Variants in TRIM43B observed in about 807,000 individuals in gnomAD.
TRIM43B encodes tripartite motif-containing protein 43B.
Under a neutral mutation model 27.0 loss-of-function variants are expected in TRIM43B, and 15 were observed. The observed-to-expected ratio is 0.55, with a 90% CI of 0.37 to 0.85. The LOEUF is 0.85. Ranked by LOEUF, TRIM43B falls within the 40% of genes least tolerant of loss-of-function variation. The pLI is 0.00. For missense variants in TRIM43B, 172 were observed against 289.8 expected (o/e 0.59, Z 2.95); for synonymous variants, 69 against 97.8 (o/e 0.71, Z 1.74).
At chr2:95,484,332 C>T (rs62155086) in intron 1 of TRIM43B, among the ~76,000 whole-genome samples, 2,916 of 151,890 alleles carry the variant, frequency 0.019, 54 homozygotes, top group Non-Finnish European at 0.029. Flanking sequence ...AGAGCGCCGC[C>T]GCACTCCAGC....
At chr2:95,482,927 C>T (rs1276742217) in intron 1 of TRIM43B, among the ~76,000 whole-genome samples, 2 of 152,096 alleles carry the variant, frequency 1.3e-5, no homozygotes, top group Admixed American at 1.3e-4. Flanking sequence ...CCAATCAACA[C>T]ATGACCAGCT....
chr2:95,480,618 T>C (rs1489513596), intron 3 of TRIM43B, 83 bp from the exon 4 acceptor site: 13 of 1,498,778 alleles, frequency 8.7e-6, no homozygotes, highest in Admixed American at 4.1e-5. Flanking sequence ...TCCTCATTCC[T>C]TCTTTTATTT....
exon 2 of TRIM43B, chr2:95,482,355 C>T: frequency 6.2e-7 from 1 of 1,611,034 alleles, no homozygotes; most frequent in Non-Finnish European, 8.5e-7. Flanking sequence ...GAGCCCCGTG[C>T]TCCTGAGAGT....
intron 1 of TRIM43B, among the ~76,000 whole-genome samples, chr2:95,483,057 C>T (rs546557428): frequency 1.2e-4 from 18 of 152,180 alleles, no homozygotes; most frequent in South Asian, 4.2e-4. Context: ...GAGTCTTGAA[C>T]GGTCTGAAAA....
At chr2:95,483,398 A>G (rs1389892393) in intron 1 of TRIM43B, among the ~76,000 whole-genome samples, 1 of 152,102 alleles carries the variant, frequency 6.6e-6, no homozygotes, top group Non-Finnish European at 1.5e-5. Context: ...ATTTGGGGAT[A>G]TACTGGTTAA....
Position 95,481,797 on chromosome 2 carries a change from A to AG in TRIM43B, c.412-108dup, listed in dbSNP as rs999985658. On this transcript the variant is annotated intron_variant, in intron 2 of 6. Coordinates refer to ENST00000639673, the Ensembl canonical transcript of TRIM43B. ...AATATATAAATACATTAGTGAGAGGAGAAAAAAACAAAATTTTTCATTGCT... is the reference window on the plus strand; with the variant it reads ...AATATATAAATACATTAGTGAGAGGAGGAAAAAAACAAAATTTTTCATTGCT... The AG allele has an allele frequency of 3.6e-5, 41 of 1,144,580 alleles. No homozygotes were observed. The Admixed American group carries it at 4.7e-4, about 13-fold the overall frequency. The allele number at this position is 1,144,580 out of a possible 1,614,324, so 70.9% of individuals were successfully genotyped here.
At chr2:95,482,337 G>A (rs1306367719) in exon 2 of TRIM43B, 4 of 1,611,480 alleles carry the variant, frequency 2.5e-6, no homozygotes, top group South Asian at 2.2e-5. Context: ...CGATGGGATA[G>A]TGTTTGTGAG....
In TRIM43B at chr2:95,480,543, G is replaced by T. The variant is rs778416098; in HGVS notation, c.508-8C>A. ...CCGTAAAACCACATCGCCCTGTAGGGATATGAATTTTGTAGGTTATATACC... is the reference window on the plus strand; with the variant it reads ...CCGTAAAACCACATCGCCCTGTAGGTATATGAATTTTGTAGGTTATATACC... On this transcript the variant is annotated splice_polypyrimidine_tract_variant and splice_region_variant and intron_variant, in intron 3 of 6. Transcript: ENST00000639673. 19 of 1,606,320 alleles carry T rather than the reference G, an allele frequency of 1.2e-5. No individual in the cohort carries two copies. Among genetic ancestry groups the T allele is most frequent in the Admixed American group, 1.7e-5 (1 of 59,770 alleles).
intron 1 of TRIM43B, among the ~76,000 whole-genome samples, chr2:95,484,295 C>G (rs987646903): frequency 6.6e-6 from 1 of 151,946 alleles, no homozygotes; most frequent in Non-Finnish European, 1.5e-5. Flanking sequence ...TCGTTTGAAC[C>G]TGGAAGGCGG....
intron 3 of TRIM43B, among the ~76,000 whole-genome samples, chr2:95,481,159 T>C (rs1322149963): frequency 6.6e-5 from 10 of 152,082 alleles, no homozygotes; most frequent in African/African-American, 2.4e-4. Flanking sequence ...TTGCATTTTC[T>C]CCTACTCGGA....
At chr2:95,484,400 C>T (rs1460495659) in intron 1 of TRIM43B, among the ~76,000 whole-genome samples, 2 of 151,770 alleles carry the variant, frequency 1.3e-5, no homozygotes, top group East Asian at 1.9e-4. Context: ...AAATAAATAG[C>T]TGAACATGGT....
chr2:95,481,328 C>G (rs114851071), intron 3 of TRIM43B, among the ~76,000 whole-genome samples: 55 of 152,068 alleles, frequency 3.6e-4, no homozygotes, highest in Non-Finnish European at 6.5e-4. Context: ...TTTCATAATT[C>G]ATTTTATACA....
rs760500502 is a variant in TRIM43B at position 95,480,479 on chromosome 2, C to T, written c.564G>A (p.Pro188=). 2.5e-5 allele frequency: 40 copies of T among 1,605,636 alleles called. 1 individual carries two copies. In the South Asian group the frequency reaches 3.6e-4, roughly 14 times the overall value. Residue 188 remains proline, a synonymous_variant, in exon 4 of 7, where the codon CCG becomes CCA. Transcript: ENST00000639673. The stretch of plus-strand genomic sequence containing the variant: ...GTTGTTTTTCTTCCTTATGGAGAAC[C>T]GGATGCAGCTTCCTATACTCATTCC...
intron 1 of TRIM43B, among the ~76,000 whole-genome samples, chr2:95,483,351 C>G (rs1285877409): frequency 6.6e-6 from 1 of 152,150 alleles, no homozygotes; most frequent in African/African-American, 2.4e-5. Flanking sequence ...TCAACAAAAA[C>G]TTTCTGGCAT....
At chr2:95,482,242 C>T (rs1683540747) in intron 2 of TRIM43B, 62 bp downstream of exon 2, 2 of 1,482,090 alleles carry the variant, frequency 1.3e-6, no homozygotes, top group Non-Finnish European at 9.0e-7. Context: ...TCTCATCATC[C>T]TTCTAATCTC....
At chr2:95,482,547 C>T in exon 2 of TRIM43B, 3 of 1,611,932 alleles carry the variant, frequency 1.9e-6, no homozygotes, top group Non-Finnish European at 2.5e-6. Context: ...GTGATGGTTC[C>T]CTGCATGCAG....
intron 1 of TRIM43B, among the ~76,000 whole-genome samples, chr2:95,483,546 C>G (rs1350485212): frequency 6.6e-6 from 1 of 151,630 alleles, no homozygotes; most frequent in Non-Finnish European, 1.5e-5. Context: ...AGGCCGGGCA[C>G]GGTGGCTGAC....
exon 1 of TRIM43B, chr2:95,484,677 C>T (rs1336955567): frequency 6.6e-6 from 1 of 151,996 alleles, no homozygotes; most frequent in Non-Finnish European, 1.5e-5. Flanking sequence ...GGATGAGAGT[C>T]TCACAGTGCA....
chr2:95,483,438 T>G (rs1307262484), intron 1 of TRIM43B, among the ~76,000 whole-genome samples: 5 of 152,004 alleles, frequency 3.3e-5, no homozygotes, highest in African/African-American at 9.7e-5. Context: ...GACAGACAAT[T>G]AATTCAATTT....
Sources: allele counts gnomAD v4.1 joint callset (sites outside exome capture counted in the v4.1 genomes callset), GRCh38; gene constraint gnomAD v4.1.1; transcripts MANE v1.5; gene names NCBI Gene and HGNC (gene_info 2026-07-23, HGNC 2026-07-21).